Variants in SPATS2L observed in about 807,000 individuals in gnomAD.
The protein encoded by SPATS2L is SPATS2-like protein.
In SPATS2L, 30 loss-of-function variants were observed where a neutral mutation model predicts 59.6. The observed-to-expected ratio is 0.50, with a 90% CI of 0.38 to 0.68. SPATS2L has a LOEUF of 0.68. Ranked by LOEUF, SPATS2L falls within the 30% of genes least tolerant of loss-of-function variation. The probability of loss-of-function intolerance (pLI) is 0.00; values close to 1 mark genes in which losing one functional copy is unlikely to be tolerated. For missense variants in SPATS2L, 615 were observed against 700.0 expected, an observed-to-expected ratio of 0.88 and a Z score of 1.37; for synonymous variants, 252 against 263.5, an observed-to-expected ratio of 0.96 and a Z score of 0.42.
At chr2:200,306,990 C>G (rs2079037702) in intron 1 of SPATS2L, 68 bp downstream of exon 1, 1 of 981,406 alleles carries the variant, frequency 1.0e-6, no homozygotes, top group African/African-American at 1.8e-5. Flanking sequence ...GCGGAGGGGC[C>G]TGCGCGGCCG....
At chr2:200,451,827 T>G (rs1482021835) in intron 8 of SPATS2L, among the ~76,000 whole-genome samples, 3 of 121,894 alleles carry the variant, frequency 2.5e-5, no homozygotes, top group Non-Finnish European at 4.0e-5. Context: ...ACCGTTTTCT[T>G]TTTTCTTTTC....
chr2:200,338,387 T>C (rs883999), intron 2 of SPATS2L, among the ~76,000 whole-genome samples: 16,262 of 152,200 alleles, frequency 0.11, 1,091 homozygotes, highest in South Asian at 0.23. Context: ...TTCTAATATA[T>C]GGAGTTTATA....
chr2:200,351,969 A>AT (rs905372245), intron 2 of SPATS2L, among the ~76,000 whole-genome samples: 23 of 152,040 alleles, frequency 1.5e-4, no homozygotes, highest in African/African-American at 1.9e-4. Context: ...GAATGTTGCT[A>AT]TATCTCTTTT....
chr2:200,449,562 C>T (rs1052307644), intron 8 of SPATS2L, among the ~76,000 whole-genome samples: 6 of 152,026 alleles, frequency 3.9e-5, no homozygotes, highest in East Asian at 1.9e-4. Flanking sequence ...TCAACCAGCC[C>T]GGGAATGTAC....
chr2:200,392,601 A>G (rs1237650518), intron 3 of SPATS2L, among the ~76,000 whole-genome samples: 2 of 152,194 alleles, frequency 1.3e-5, no homozygotes, highest in Non-Finnish European at 2.9e-5. Flanking sequence ...ATAGGTACTC[A>G]GTACACTCCT....
At chr2:200,432,055 T>C (rs1291785373) in intron 6 of SPATS2L, among the ~76,000 whole-genome samples, 2 of 152,204 alleles carry the variant, frequency 1.3e-5, no homozygotes, top group Non-Finnish European at 2.9e-5. Context: ...TCAAGAACTT[T>C]TCAAGAGAAA....
At chr2:200,379,216 G>A (rs974591625) in intron 2 of SPATS2L, among the ~76,000 whole-genome samples, 1 of 152,170 alleles carries the variant, frequency 6.6e-6, no homozygotes, top group Admixed American at 6.5e-5. Flanking sequence ...ATATAAGTTC[G>A]AATCTTAGCT....
At chr2:200,389,171 A>AACACATTG (rs1249917983) in intron 2 of SPATS2L, 52 bp from the exon 3 acceptor site, 1 of 1,165,382 alleles carries the variant, frequency 8.6e-7, no homozygotes, top group Non-Finnish European at 1.2e-6. Context: ...GTGTAAAAAT[A>AACACATTG]ACACATTGAG....
intron 2 of SPATS2L, chr2:200,378,448 G>A (rs1056752865): frequency 2.4e-5 from 23 of 969,138 alleles, no homozygotes; most frequent in Non-Finnish European, 2.6e-5. Context: ...GCTGCCTGGG[G>A]GTACTCTCCA....
intron 6 of SPATS2L, among the ~76,000 whole-genome samples, chr2:200,419,839 G>C (rs143606099): frequency 0.02 from 2,981 of 151,378 alleles, 85 homozygotes; most frequent in African/African-American, 0.063. Context: ...GCATCCCAAA[G>C]TGCTGGGATT....
chr2:200,320,554 C>A (rs992171339), intron 1 of SPATS2L, among the ~76,000 whole-genome samples: 1 of 152,182 alleles, frequency 6.6e-6, no homozygotes, highest in Non-Finnish European at 1.5e-5. Context: ...GGGACAGAGT[C>A]GTCAGGCTGA....
intron 4 of SPATS2L, 89 bp from the exon 5 acceptor site, chr2:200,416,290 A>T: frequency 1.9e-6 from 1 of 522,100 alleles, no homozygotes; most frequent in Non-Finnish European, 3.0e-6. Context: ...AAAAAAAAAA[A>T]GCTGCTACCA....
At chr2:200,464,942 C>T (rs2086490912) in intron 9 of SPATS2L, among the ~76,000 whole-genome samples, 1 of 151,958 alleles carries the variant, frequency 6.6e-6, no homozygotes, top group South Asian at 2.1e-4. Flanking sequence ...CCTAAACAGT[C>T]TTAAGTGACC....
chr2:200,382,756 G>A (rs7598349), intron 2 of SPATS2L, among the ~76,000 whole-genome samples: 74,537 of 151,944 alleles, frequency 0.49, 18,715 homozygotes, highest in Middle Eastern at 0.62. Flanking sequence ...ATTTCTATTC[G>A]TAGGGTTGTG....
At chr2:200,440,600 C>G in intron 7 of SPATS2L, 49 bp from the exon 8 acceptor site, 1 of 1,570,616 alleles carries the variant, frequency 6.4e-7, no homozygotes, top group Non-Finnish European at 8.7e-7. Flanking sequence ...AGCTTACAAA[C>G]AAAGGATTAA....
intron 10 of SPATS2L, among the ~76,000 whole-genome samples, chr2:200,467,762 C>T (rs958597871): frequency 1.3e-5 from 2 of 152,180 alleles, no homozygotes; most frequent in Admixed American, 1.3e-4. Flanking sequence ...GGTATATATA[C>T]ACACACGAAG....
upstream of SPATS2L, chr2:200,306,673 G>A: frequency 6.1e-6 from 6 of 986,684 alleles, no homozygotes; most frequent in Non-Finnish European, 7.2e-6. Flanking sequence ...GAGTGTCCCT[G>A]CGTGGGGCGG....
chr2:200,313,984 C>T (rs2079277381), intron 1 of SPATS2L, among the ~76,000 whole-genome samples: 1 of 152,216 alleles, frequency 6.6e-6, no homozygotes, highest in East Asian at 1.9e-4. Context: ...TCCTCTCAAA[C>T]CTTAGCCTCC....
chr2:200,402,622 C>G (rs538539785), intron 3 of SPATS2L, among the ~76,000 whole-genome samples: 13 of 152,246 alleles, frequency 8.5e-5, no homozygotes, highest in Non-Finnish European at 1.8e-4. Flanking sequence ...ATCCTTACTG[C>G]TTCTTCTATA....
Sources: allele counts gnomAD v4.1 joint callset (sites outside exome capture counted in the v4.1 genomes callset), GRCh38; gene constraint gnomAD v4.1.1; transcripts MANE v1.5; gene names NCBI Gene and HGNC (gene_info 2026-07-23, HGNC 2026-07-21).